Variants in PRSS23 observed in about 807,000 individuals in gnomAD.
PRSS23 encodes protease, serine 23.
A neutral mutation model predicts 34.7 loss-of-function variants in PRSS23; 25 were observed. The observed-to-expected ratio is 0.72, with a 90% CI of 0.53 to 1.01. The LOEUF (loss-of-function observed/expected upper bound fraction) is 1.01. PRSS23 is among the 50% of genes least tolerant of loss of function. PRSS23 has a pLI of 0.00. For missense variants in PRSS23, 445 were observed against 475.6 expected, an observed-to-expected ratio of 0.94 and a Z score of 0.60; for synonymous variants, 176 against 186.6, an observed-to-expected ratio of 0.94 and a Z score of 0.46.
upstream of PRSS23, among the ~76,000 whole-genome samples, chr11:86,799,810 C>A (rs1177021983): frequency 6.6e-6 from 1 of 152,092 alleles, no homozygotes; most frequent in Non-Finnish European, 1.5e-5. Context: ...GAACTGAGGC[C>A]AGTGGGCTCC....
chr11:86,942,441 C>T (rs1949213170), intron 2 of PRSS23, among the ~76,000 whole-genome samples: 1 of 152,120 alleles, frequency 6.6e-6, no homozygotes, highest in African/African-American at 2.4e-5. Context: ...TGATGCAACC[C>T]CAGGCATTTC....
chr11:86,949,872 T>C (rs2135037687), intron 2 of PRSS23: 1 of 152,784 alleles, frequency 6.5e-6, no homozygotes, highest in East Asian at 1.9e-4. Flanking sequence ...CCTTTGCCAA[T>C]TACTAGGAAA....
At chr11:86,868,931 C>T (rs1948667736) in intron 2 of PRSS23, among the ~76,000 whole-genome samples, 1 of 152,140 alleles carries the variant, frequency 6.6e-6, no homozygotes, top group Non-Finnish European at 1.5e-5. Context: ...CCCACCTCAG[C>T]CTTCTGAGTA....
intron 2 of PRSS23, chr11:86,948,393 G>C (rs941260907): frequency 6.6e-6 from 1 of 151,944 alleles, no homozygotes; most frequent in Non-Finnish European, 1.5e-5. Context: ...TAAAATAACT[G>C]ATTTTTTTAA....
downstream of PRSS23, among the ~76,000 whole-genome samples, chr11:86,815,242 A>G (rs546819495): frequency 2.6e-5 from 4 of 152,312 alleles, no homozygotes; most frequent in Admixed American, 6.5e-5. Flanking sequence ...AATGCCCCTC[A>G]GCCCCTTCCT....
At chr11:86,824,329 T>C in intron 2 of PRSS23, among the ~76,000 whole-genome samples, 1 of 14,438 alleles carries the variant, frequency 6.9e-5, no homozygotes, top group East Asian at 4.5e-3. Context: ...AAAATAAAAA[T>C]AAAAATAAAA....
chr11:86,807,485 A>T (rs1948114900), intron 1 of PRSS23, 146 bp from the exon 2 acceptor site: 1 of 797,854 alleles, frequency 1.3e-6, no homozygotes, highest in South Asian at 2.1e-5. Context: ...TGAGACCGTT[A>T]TCTAAGGATT....
chr11:86,939,199 A>G (rs1331209611), intron 2 of PRSS23: 1 of 310,306 alleles, frequency 3.2e-6, no homozygotes, highest in Non-Finnish European at 6.3e-6. Context: ...AGTGCTTGTA[A>G]GGAGTGTGTT....
upstream of PRSS23, among the ~76,000 whole-genome samples, chr11:86,796,326 A>G (rs2135589548): frequency 6.6e-6 from 1 of 152,302 alleles, no homozygotes; most frequent in East Asian, 1.9e-4. Context: ...GAAGAAAATC[A>G]TAGCTTCTCT....
chr11:86,829,047 G>T (rs1289953191), intron 2 of PRSS23, among the ~76,000 whole-genome samples: 1 of 152,152 alleles, frequency 6.6e-6, no homozygotes, highest in Non-Finnish European at 1.5e-5. Flanking sequence ...GGCCTGCCTT[G>T]CTATATTGGG....
intron 2 of PRSS23, among the ~76,000 whole-genome samples, chr11:86,925,801 C>G (rs988072652): frequency 2.6e-5 from 4 of 152,206 alleles, no homozygotes; most frequent in Non-Finnish European, 5.9e-5. Flanking sequence ...ACTCCAGCTA[C>G]TAACCAACAC....
At chr11:86,825,913 G>A (rs551831268) in intron 2 of PRSS23, among the ~76,000 whole-genome samples, 19 of 151,890 alleles carry the variant, frequency 1.3e-4, no homozygotes, top group African/African-American at 4.4e-4. Context: ...GTCAGGTAGG[G>A]TGATGCCTCC....
intron 2 of PRSS23, chr11:86,857,870 C>T: frequency 1.9e-6 from 1 of 513,756 alleles, no homozygotes; most frequent in Non-Finnish European, 3.9e-6. Flanking sequence ...TCAGAGCTGC[C>T]AGCCAGGATG....
intron 2 of PRSS23, among the ~76,000 whole-genome samples, chr11:86,824,233 G>C (rs1165717781): frequency 1.3e-5 from 2 of 150,984 alleles, no homozygotes; most frequent in South Asian, 2.1e-4. Flanking sequence ...GCTTGAGCCT[G>C]GGAGGTGGAG....
At chr11:86,872,263 T>G (rs919470853) in intron 2 of PRSS23, among the ~76,000 whole-genome samples, 1 of 152,082 alleles carries the variant, frequency 6.6e-6, no homozygotes, top group Non-Finnish European at 1.5e-5. Flanking sequence ...GTTCAAAGAG[T>G]GAAATATAAT....
At chr11:86,863,786 G>A (rs1948631618) in intron 2 of PRSS23, among the ~76,000 whole-genome samples, 1 of 135,246 alleles carries the variant, frequency 7.4e-6, no homozygotes. Flanking sequence ...ACGATTAACA[G>A]ATGCAGACAA....
At chr11:86,867,885 A>AAAAAAAAAAAAAAAAAAAAAAAC (rs1948660709) in intron 2 of PRSS23, among the ~76,000 whole-genome samples, 1 of 151,698 alleles carries the variant, frequency 6.6e-6, no homozygotes, top group Non-Finnish European at 1.5e-5. Flanking sequence ...AAAAAAAAAA[A>AAAAAAAAAAAAAAAAAAAAAAAC]AAAAAATACA....
intron 2 of PRSS23, among the ~76,000 whole-genome samples, chr11:86,905,987 TTCATTCAC>T (rs969897064): frequency 7.9e-5 from 12 of 152,202 alleles, no homozygotes; most frequent in Admixed American, 2.0e-4. Flanking sequence ...ACTGATGACA[TTCATTCAC>T]TCATTCACTC....
chr11:86,898,761 T>C (rs1387133752), intron 2 of PRSS23, among the ~76,000 whole-genome samples: 1 of 152,218 alleles, frequency 6.6e-6, no homozygotes, highest in Non-Finnish European at 1.5e-5. Context: ...GGGAATTGCA[T>C]GCGGTGTGCA....
Sources: allele counts gnomAD v4.1 joint callset (sites outside exome capture counted in the v4.1 genomes callset), GRCh38; gene constraint gnomAD v4.1.1; transcripts MANE v1.5; gene names NCBI Gene and HGNC (gene_info 2026-07-23, HGNC 2026-07-21).